The following TEAD1 variants were observed in gnomAD, a reference collection of about 807,000 sequenced individuals.
TEAD1 encodes the protein transcriptional enhancer factor TEF-1.
TEAD1 carries 9 observed loss-of-function variants against 54.9 expected under a neutral mutation model. The observed-to-expected ratio is 0.16, with a 90% CI of 0.10 to 0.29. The LOEUF (loss-of-function observed/expected upper bound fraction) is 0.29, where lower values mean the gene tolerates loss of function less well. Among genes scored for constraint, TEAD1 ranks in the 10% least tolerant of loss-of-function variants. The pLI, the probability that TEAD1 is intolerant of heterozygous loss-of-function variation, is 1.00. For missense variants in TEAD1, 387 were observed against 535.9 expected (o/e 0.72, Z 2.74); for synonymous variants, 200 against 187.8 (o/e 1.07, Z -0.53).
In TEAD1 at chr11:12,940,548, TC is replaced by T. The variant is rs1157485779; in HGVS notation, c.*3328del. ...CAGGTGACATTGTGTCCATATTTCT[TC>T]CTGTTTCAGAACTTCTGTTTCACAA... On this transcript the variant is annotated 3_prime_UTR_variant, in exon 13 of 13. Transcript: ENST00000527636. 1 of 152,194 alleles carries T rather than the reference TC, an allele frequency of 6.6e-6. No individual in the cohort carries two copies. Among genetic ancestry groups the T allele is most frequent in the Non-Finnish European group, 1.5e-5 (1 of 68,046 alleles). The allele number at this position is 152,194 out of a possible 1,614,324, so 9.4% of individuals were successfully genotyped here.
At chr11:12,776,785 T>TTAA (rs988561792) in intron 3 of TEAD1, among the ~76,000 whole-genome samples, 2 of 125,508 alleles carry the variant, frequency 1.6e-5, no homozygotes, top group Admixed American at 1.4e-4. Context: ...ATTATTATTA[T>TTAA]TATTATTATT....
In TEAD1 at chr11:12,937,225, A is replaced by T. The variant is rs763611408; in HGVS notation, c.*3A>T. 2 of 1,589,242 alleles carry T rather than the reference A, an allele frequency of 1.3e-6. No individual in the cohort carries two copies. Among genetic ancestry groups the T allele is most frequent in the Non-Finnish European group, 1.7e-6 (2 of 1,157,974 alleles). On this transcript the variant is annotated 3_prime_UTR_variant, in exon 13 of 13. Coordinates refer to ENST00000527636, the MANE Select transcript of TEAD1 (RefSeq NM_021961.6). ...TTTACAGGCTTGTAAAGGACTGAAC[A>T]TGGTTATTTATATATATAGATATCT...
chr11:12,932,036 A>G (rs1423797310), intron 12 of TEAD1, among the ~76,000 whole-genome samples: 1 of 152,240 alleles, frequency 6.6e-6, no homozygotes, highest in Admixed American at 6.5e-5. Context: ...TGATTGGCAT[A>G]CAACTAGCAA....
At chr11:12,889,951 G>A (rs1487540493) in intron 9 of TEAD1, among the ~76,000 whole-genome samples, 1 of 151,942 alleles carries the variant, frequency 6.6e-6, no homozygotes, top group East Asian at 1.9e-4. Context: ...TGAACTCCTG[G>A]GCTCAAGCGA....
chr11:12,876,615 C>G (rs146915091), intron 5 of TEAD1, among the ~76,000 whole-genome samples: 1,529 of 152,312 alleles, frequency 0.01, 15 homozygotes, highest in Non-Finnish European at 0.013. Flanking sequence ...TCCAATCCCC[C>G]TAGCCTGGGC....
chr11:12,820,537 G>A (rs1024322256), intron 3 of TEAD1, among the ~76,000 whole-genome samples: 1 of 152,170 alleles, frequency 6.6e-6, no homozygotes, highest in Non-Finnish European at 1.5e-5. Flanking sequence ...GTCTACGTTG[G>A]TGATGAAATT....
chr11:12,687,846 C>G (rs1451228412), intron 2 of TEAD1, among the ~76,000 whole-genome samples: 2 of 152,114 alleles, frequency 1.3e-5, no homozygotes, highest in Non-Finnish European at 2.9e-5. Context: ...ACCCCCGTGA[C>G]TGGTTATACT....
At chr11:12,887,253 C>T (rs1346870158) in intron 9 of TEAD1, among the ~76,000 whole-genome samples, 9 of 152,040 alleles carry the variant, frequency 5.9e-5, no homozygotes, top group African/African-American at 1.9e-4. Context: ...TCCACCACCA[C>T]GCCCGGCTAA....
intron 3 of TEAD1, among the ~76,000 whole-genome samples, chr11:12,766,406 A>G (rs77091929): frequency 0.022 from 3,277 of 152,358 alleles, 129 homozygotes; most frequent in African/African-American, 0.075. Context: ...CAGCAGGCTA[A>G]GAAGAACAAA....
At chr11:12,708,378 C>T (rs545440654) in intron 2 of TEAD1, among the ~76,000 whole-genome samples, 28 of 151,774 alleles carry the variant, frequency 1.8e-4, no homozygotes, top group Non-Finnish European at 2.5e-4. Context: ...GAGACACAGT[C>T]GGTGAGGTGA....
intron 3 of TEAD1, among the ~76,000 whole-genome samples, chr11:12,782,416 G>A (rs771986376): frequency 3.3e-5 from 5 of 152,162 alleles, no homozygotes; most frequent in East Asian, 1.9e-4. Context: ...CGAAATGCCC[G>A]GAATAGGTCA....
chr11:12,829,325 A>G (rs1702545323), intron 3 of TEAD1, among the ~76,000 whole-genome samples: 1 of 152,096 alleles, frequency 6.6e-6, no homozygotes, highest in African/African-American at 2.4e-5. Flanking sequence ...TGCCTACCAA[A>G]CGTCTCCCTC....
chr11:12,697,335 T>C (rs971725984), intron 2 of TEAD1, among the ~76,000 whole-genome samples: 3 of 152,222 alleles, frequency 2.0e-5, no homozygotes, highest in African/African-American at 7.2e-5. Context: ...AGCAAATGCC[T>C]TTCTCAAGGA....
rs184046330 is a variant in TEAD1, at chr11:12,700,364, C to T, written c.-55+24803C>T. On this transcript the variant is annotated intron_variant, in intron 2 of 12. Transcript: ENST00000527636. ...CATTTAAACCCTTTTGTTTTAGGTA[C>T]AAATACCCAACCTGTGTGCACTTTA... 6.7e-4 allele frequency among the ~76,000 whole-genome samples: 102 copies of T among 152,292 alleles called. No individual in the cohort carries two copies. In the Middle Eastern group the frequency reaches 0.02, roughly 30 times the overall value.
chr11:12,767,070 GA>G (rs1460204660), intron 3 of TEAD1, among the ~76,000 whole-genome samples: 17 of 152,148 alleles, frequency 1.1e-4, no homozygotes, highest in Admixed American at 5.2e-4. Flanking sequence ...GTGGAGACTG[GA>G]CCCCTTAAGA....
chr11:12,922,200 T>TC (rs1233838512), intron 10 of TEAD1, among the ~76,000 whole-genome samples: 1 of 47,458 alleles, frequency 2.1e-5, no homozygotes, highest in East Asian at 5.9e-4. Context: ...CTCTTTTTTT[T>TC]TTTTTTTTTT....
At chr11:12,931,237 A>G (rs1462632543) in intron 12 of TEAD1, among the ~76,000 whole-genome samples, 1 of 152,242 alleles carries the variant, frequency 6.6e-6, no homozygotes, top group Admixed American at 6.5e-5. Context: ...CTTTAAAACA[A>G]ATTTCTTCTG....
At chr11:12,744,808 C>T (rs1944714171) in intron 2 of TEAD1, among the ~76,000 whole-genome samples, 1 of 152,150 alleles carries the variant, frequency 6.6e-6, no homozygotes, top group East Asian at 1.9e-4. Context: ...AAGAAAGCTG[C>T]TGACTCGGTG....
intron 2 of TEAD1, among the ~76,000 whole-genome samples, chr11:12,693,224 G>T (rs968789059): frequency 2.0e-5 from 3 of 152,268 alleles, no homozygotes; most frequent in African/African-American, 2.4e-5. Context: ...ACATGTGTGT[G>T]TGCGTGTGTG....
Sources: allele counts gnomAD v4.1 joint callset (sites outside exome capture counted in the v4.1 genomes callset), GRCh38; gene constraint gnomAD v4.1.1; transcripts MANE v1.5; gene names NCBI Gene and HGNC (gene_info 2026-07-23, HGNC 2026-07-21).